The following TBC1D31 variants were observed in gnomAD, a reference collection of about 807,000 sequenced individuals.
TBC1D31 encodes WD repeat domain 67.
TBC1D31 carries 99 observed loss-of-function variants against 132.9 expected under a neutral mutation model. The observed-to-expected ratio is 0.74, with a 90% CI of 0.63 to 0.88. TBC1D31 has a LOEUF of 0.88. Among genes scored for constraint, TBC1D31 ranks in the 40% least tolerant of loss-of-function variants. TBC1D31 has a pLI of 0.00. For missense variants in TBC1D31, 1,134 were observed against 1,256.6 expected (o/e 0.90, Z 1.48); for synonymous variants, 385 against 419.4 (o/e 0.92, Z 1.00).
intron 4 of TBC1D31, among the ~76,000 whole-genome samples, chr8:123,092,898 A>G (rs1176356873): frequency 7.1e-6 from 1 of 141,474 alleles, no homozygotes; most frequent in African/African-American, 2.7e-5. Flanking sequence ...TGCAACCTCC[A>G]CCTCCCAGGT....
At chr8:123,080,842 TTTC>T (rs1158653297) in intron 2 of TBC1D31, among the ~76,000 whole-genome samples, 8 of 152,100 alleles carry the variant, frequency 5.3e-5, no homozygotes, top group Non-Finnish European at 1.5e-5. Flanking sequence ...GCTGAGAGCT[TTTC>T]TTATATCTGC....
chr8:123,079,597 A>G (rs1730081661), intron 2 of TBC1D31, among the ~76,000 whole-genome samples: 1 of 133,710 alleles, frequency 7.5e-6, no homozygotes, highest in Admixed American at 7.5e-5. Context: ...GATTGATTTC[A>G]TGACTAATGA....
At chr8:123,157,396 G>A in the TBC1D31 span, among the ~76,000 whole-genome samples, 9 of 152,028 alleles carry the variant, frequency 5.9e-5, no homozygotes, top group Non-Finnish European at 1.3e-4. Context: ...TGTAAATCCC[G>A]TCCAGAATAC....
intron 13 of TBC1D31, 65 bp from the exon 14 acceptor site, chr8:123,128,216 T>C (rs1820267922): frequency 2.4e-6 from 2 of 834,942 alleles, no homozygotes; most frequent in Admixed American, 2.4e-5. Flanking sequence ...AAATTCTTGT[T>C]TTAATTCTAC....
Position 123,129,047 on chromosome 8 carries a change from AT to A in TBC1D31, c.2118-18del. 1 of 1,507,870 alleles carries A rather than the reference AT, an allele frequency of 6.6e-7. No homozygotes were observed. Among genetic ancestry groups the A allele is most frequent in the Non-Finnish European group, 8.9e-7 (1 of 1,118,720 alleles). The allele number at this position is 1,507,870 out of a possible 1,614,324, so 93.4% of individuals were successfully genotyped here. A position where few individuals can be genotyped will look rare whatever the true frequency, so the allele number is the denominator to read the frequency against. On this transcript the variant is annotated intron_variant, in intron 14 of 21. Transcript: ENST00000287380. ...TAGCTTTCTTCTTTGTGTTTTCATA[AT>A]AATATTACCTACTTAAGGCAGACAG...
chr8:123,112,713 C>T (rs13439161), intron 10 of TBC1D31, among the ~76,000 whole-genome samples: 45,716 of 151,992 alleles, frequency 0.3, 6,910 homozygotes, highest in African/African-American at 0.32. Context: ...TTAAGTGTAT[C>T]TTTGGAATAG....
chr8:123,122,927 A>G (rs1157020761), intron 11 of TBC1D31, among the ~76,000 whole-genome samples: 2 of 152,152 alleles, frequency 1.3e-5, no homozygotes, highest in Non-Finnish European at 1.5e-5. Flanking sequence ...AAGGGTCTCA[A>G]AGTAGTTTTA....
chr8:123,132,241 C>G (rs1461941251), intron 16 of TBC1D31, among the ~76,000 whole-genome samples: 2 of 152,052 alleles, frequency 1.3e-5, no homozygotes, highest in Non-Finnish European at 2.9e-5. Flanking sequence ...CCTCAGTATT[C>G]TCAAATGTTT....
chr8:123,096,262 G>C (rs1422965740), intron 5 of TBC1D31, among the ~76,000 whole-genome samples: 1 of 150,896 alleles, frequency 6.6e-6, no homozygotes, highest in Non-Finnish European at 1.5e-5. Context: ...CGCCTCCCTC[G>C]CTTCATCTCA....
rs1479802178 is a variant in TBC1D31, at chr8:123,072,847, G to T, written c.77+1G>T. On this transcript the variant is annotated splice_donor_variant, in intron 1 of 21. Coordinates refer to ENST00000287380, the MANE Select transcript of TBC1D31 (RefSeq NM_145647.4). LOFTEE classifies it high-confidence loss of function. The stretch of plus-strand genomic sequence containing the variant: ...AGCCGTCCCCGGCCACGCGGGACGG[G>T]TAAAGGCCGTGGCGGGAGGGCGCGG... 3.2e-6 allele frequency: 5 copies of T among 1,562,618 alleles called. No individual in the cohort carries two copies. The highest frequency in any genetic ancestry group is 4.3e-6 in the Non-Finnish European group (5 of 1,153,712).
At chr8:123,073,261 C>T (rs1814099478) in intron 1 of TBC1D31, 1 of 464,524 alleles carries the variant, frequency 2.2e-6, no homozygotes, top group Non-Finnish European at 4.3e-6. Flanking sequence ...AATTCTGCCT[C>T]TTCCAAAGGC....
At chr8:123,159,274 AAAAAAAAAAG>A in the TBC1D31 span, among the ~76,000 whole-genome samples, 7 of 144,418 alleles carry the variant, frequency 4.8e-5, 1 homozygote, top group East Asian at 3.9e-4. Flanking sequence ...ACAGGAAAAA[AAAAAAAAAAG>A]AAAAAGAAAA....
intron 6 of TBC1D31, among the ~76,000 whole-genome samples, chr8:123,100,395 G>C (rs1030945550): frequency 2.0e-5 from 3 of 152,034 alleles, no homozygotes; most frequent in Non-Finnish European, 4.4e-5. Flanking sequence ...GGCCAACATG[G>C]TGAAACCCCA....
chr8:123,096,303 C>T (rs149278854), intron 5 of TBC1D31, among the ~76,000 whole-genome samples: 31 of 152,216 alleles, frequency 2.0e-4, no homozygotes, highest in Admixed American at 3.3e-4. Context: ...TAGCCACATC[C>T]GAGTATAGCA....
chr8:123,119,600 C>A (rs1411889999), intron 10 of TBC1D31, among the ~76,000 whole-genome samples: 1 of 152,128 alleles, frequency 6.6e-6, no homozygotes, highest in African/African-American at 2.4e-5. Context: ...GTAGGCCCAG[C>A]TACTCAGGAG....
chr8:123,123,701 CA>C (rs970390542), intron 11 of TBC1D31: 2 of 152,314 alleles, frequency 1.3e-5, no homozygotes, highest in Non-Finnish European at 2.9e-5. Context: ...GGTTCTGGCA[CA>C]GAATTTTCTT....
chr8:123,108,683 A>G (rs1011785760), intron 8 of TBC1D31, among the ~76,000 whole-genome samples: 9 of 152,150 alleles, frequency 5.9e-5, no homozygotes, highest in African/African-American at 1.7e-4. Flanking sequence ...ATATTTACTA[A>G]CTGGCCTGTA....
At chr8:123,092,829 T>TTTTTTTTTTTTTG (rs1816468384) in intron 4 of TBC1D31, among the ~76,000 whole-genome samples, 1 of 146,158 alleles carries the variant, frequency 6.8e-6, no homozygotes, top group Non-Finnish European at 1.5e-5. Context: ...TTTTTTTTTT[T>TTTTTTTTTTTTTG]GAGACGAAGG....
At chr8:123,125,698 A>T (rs1819962603) in intron 11 of TBC1D31, among the ~76,000 whole-genome samples, 1 of 152,198 alleles carries the variant, frequency 6.6e-6, no homozygotes. Context: ...TGTTGATTAC[A>T]TTTAATGAAG....
Sources: gnomAD v4.1 joint callset for allele counts (sites outside exome capture counted in the v4.1 genomes callset) on GRCh38, gnomAD v4.1.1 for gene constraint, MANE v1.5 for transcripts, NCBI Gene and HGNC (gene_info 2026-07-23, HGNC 2026-07-21) for gene names.